BCAR3: variants seen among roughly 807,000 people sequenced by gnomAD.
BCAR3 encodes the protein breast cancer anti-estrogen resistance protein 3.
A neutral mutation model predicts 80.1 loss-of-function variants in BCAR3; 37 were observed. The ratio of observed to expected loss-of-function variants is 0.46; its 90% CI spans 0.36 to 0.61. BCAR3 has a LOEUF of 0.61. Ranked by LOEUF, BCAR3 falls within the 20% of genes least tolerant of loss-of-function variation. BCAR3 has a pLI of 0.00. For missense variants in BCAR3, 978 were observed against 1,068.2 expected (o/e 0.92, Z 1.18); for synonymous variants, 389 against 418.9 (o/e 0.93, Z 0.87).
Position 93,573,468 on chromosome 1 carries a change from GTC to G in BCAR3, c.1803-1629_1803-1628del, listed in dbSNP as rs1394235302. Among the ~76,000 whole-genome samples, 3 of 152,004 alleles carry G rather than the reference GTC, an allele frequency of 2.0e-5. No homozygotes were observed. In the East Asian group the frequency reaches 5.8e-4, roughly 29 times the overall value. On this transcript the variant is annotated intron_variant, in intron 8 of 11. Coordinates refer to ENST00000260502, the MANE Select transcript of BCAR3 (RefSeq NM_003567.4). ...ATAAATAGCAGTTGTTACTAGAGTT[GTC>G]TCTGTACATGTCTCTCCCTGTGTAT...
chr1:93,814,473 C>G (rs186834300), intron 2 of BCAR3, among the ~76,000 whole-genome samples: 2 of 152,308 alleles, frequency 1.3e-5, no homozygotes, highest in African/African-American at 4.8e-5. Context: ...GACTTCTAGG[C>G]GGGCAGGGCC....
At chr1:93,799,999 G>A (rs1191377504) in intron 2 of BCAR3, among the ~76,000 whole-genome samples, 1 of 152,132 alleles carries the variant, frequency 6.6e-6, no homozygotes, top group East Asian at 1.9e-4. Context: ...TCTTGTTAAT[G>A]GTTCTCTAAT....
intron 2 of BCAR3, among the ~76,000 whole-genome samples, chr1:93,808,972 C>T (rs1415132945): frequency 1.3e-5 from 2 of 152,008 alleles, no homozygotes; most frequent in Non-Finnish European, 2.9e-5. Context: ...CAAACATAAC[C>T]AACTCAACAA....
intron 3 of BCAR3, among the ~76,000 whole-genome samples, chr1:93,620,862 TTC>T (rs1188023190): frequency 6.6e-6 from 1 of 152,238 alleles, no homozygotes; most frequent in East Asian, 1.9e-4. Context: ...TCTCTAGACT[TTC>T]TCTCTGTGTC....
At position 93,593,728 on chromosome 1, in the gene BCAR3, A is replaced by AAAC. The variant is rs112457260; in HGVS notation, c.358-1338_358-1336dup. On this transcript the variant is annotated intron_variant, in intron 3 of 11. Transcript: ENST00000260502. ...AAATAGCTCCAAATCCTTTTCCACC[A>AAAC]AACAACAACAACAACAACAACAACA... is the stretch of plus-strand genomic sequence containing the variant. Among the ~76,000 whole-genome samples the AAAC allele has an allele frequency of 4.0e-3, 610 of 151,290 alleles. 2 individuals carry two copies. Among genetic ancestry groups the AAAC allele is most frequent in the African/African-American group, 0.01 (416 of 41,090 alleles).
At chr1:93,609,769 G>A (rs236343) in intron 3 of BCAR3, among the ~76,000 whole-genome samples, 40,292 of 151,998 alleles carry the variant, frequency 0.27, 7,703 homozygotes, top group African/African-American at 0.55. Context: ...TGCCCACACC[G>A]GGGTACTCCA....
intron 2 of BCAR3, among the ~76,000 whole-genome samples, chr1:93,713,079 A>G (rs1290769050): frequency 6.6e-6 from 1 of 152,244 alleles, no homozygotes. Context: ...GGTTGCCAGG[A>G]GACATATGTG....
intron 2 of BCAR3, among the ~76,000 whole-genome samples, chr1:93,732,624 G>GAA (rs927611645): frequency 1.4e-5 from 2 of 145,864 alleles, no homozygotes; most frequent in African/African-American, 5.0e-5. Context: ...CTCAAAAAAA[G>GAA]AAAAAAAAAC....
chr1:93,841,087 C>A (rs1025478990), intron 2 of BCAR3, among the ~76,000 whole-genome samples: 4 of 152,154 alleles, frequency 2.6e-5, no homozygotes, highest in African/African-American at 9.7e-5. Context: ...CCACCACCAG[C>A]AGACTAGGCT....
rs562295391 is a variant in BCAR3 at position 93,782,802 on chromosome 1, G to A, written c.-63+62765C>T. On this transcript the variant is annotated intron_variant, in intron 2 of 13. Coordinates refer to the BCAR3 transcript ENST00000370244. The stretch of plus-strand genomic sequence containing the variant: ...ATCACAAGCCTGATGGATAGTATAC[G>A]ATTGATGGATTTAACTACATGAAGC... Among the ~76,000 whole-genome samples the A allele has an allele frequency of 4.6e-5, 7 of 152,256 alleles. No individual in the cohort carries two copies. In the East Asian group the frequency reaches 1.2e-3, roughly 25 times the overall value.
At chr1:93,836,015 C>A (rs1654754389) in intron 2 of BCAR3, among the ~76,000 whole-genome samples, 1 of 152,194 alleles carries the variant, frequency 6.6e-6, no homozygotes, top group African/African-American at 2.4e-5. Flanking sequence ...CCTTCATACC[C>A]CTTACCATCC....
intron 2 of BCAR3, among the ~76,000 whole-genome samples, chr1:93,731,646 GTAAAATAAAATAAAATAAAATAAAA>G (rs3068528): frequency 2.6e-4 from 38 of 147,362 alleles, no homozygotes; most frequent in South Asian, 2.2e-4. Flanking sequence ...AGATGTTAAA[GTAAAATAAAATAAAATAAAATAAAA>G]TAAAATAAAA....
At chr1:93,756,649 A>C (rs748451588) in intron 2 of BCAR3, among the ~76,000 whole-genome samples, 7 of 152,218 alleles carry the variant, frequency 4.6e-5, no homozygotes, top group African/African-American at 7.2e-5. Flanking sequence ...TTGAACAAAA[A>C]CCTTAACAGA....
chr1:93,572,357 G>A (rs1040872494), intron 8 of BCAR3, among the ~76,000 whole-genome samples: 16 of 152,338 alleles, frequency 1.1e-4, no homozygotes, highest in African/African-American at 3.8e-4. Context: ...GAAAGAGGAG[G>A]TAAGAATGGT....
At chr1:93,599,936 C>T (rs1030136887) in intron 3 of BCAR3, among the ~76,000 whole-genome samples, 5 of 152,194 alleles carry the variant, frequency 3.3e-5, no homozygotes, top group Non-Finnish European at 4.4e-5. Flanking sequence ...TCTCCTAGAA[C>T]TTCTGCAATA....
chr1:93,742,044 T>C (rs12405554), intron 2 of BCAR3, among the ~76,000 whole-genome samples: 17,843 of 152,202 alleles, frequency 0.12, 1,466 homozygotes, highest in African/African-American at 0.22. Context: ...TGTTTCAGTG[T>C]AGACAGGAGA....
intron 2 of BCAR3, among the ~76,000 whole-genome samples, chr1:93,769,822 T>C (rs1427532725): frequency 6.6e-6 from 1 of 152,200 alleles, no homozygotes; most frequent in African/African-American, 2.4e-5. Flanking sequence ...AACTTTCATA[T>C]CCTGGATTGG....
intron 2 of BCAR3, among the ~76,000 whole-genome samples, chr1:93,718,051 T>C (rs532430588): frequency 6.6e-6 from 1 of 152,330 alleles, no homozygotes; most frequent in African/African-American, 2.4e-5. Flanking sequence ...ACATTTAATA[T>C]TTCCAAGTGT....
At chr1:93,564,995 A>T (rs1672885056) in intron 11 of BCAR3, among the ~76,000 whole-genome samples, 1 of 152,150 alleles carries the variant, frequency 6.6e-6, no homozygotes, top group Non-Finnish European at 1.5e-5. Flanking sequence ...TATACCTGCC[A>T]TCTAGATCAC....
Sources: allele counts gnomAD v4.1 joint callset (sites outside exome capture counted in the v4.1 genomes callset), GRCh38; gene constraint gnomAD v4.1.1; transcripts MANE v1.5; gene names NCBI Gene and HGNC (gene_info 2026-07-23, HGNC 2026-07-21).